PRKG1: variants seen among roughly 807,000 people sequenced by gnomAD.
PRKG1 encodes the protein protein kinase cGMP-dependent 1.
Under a neutral mutation model 88.1 loss-of-function variants are expected in PRKG1, and 35 were observed. The ratio of observed to expected loss-of-function variants is 0.40; its 90% CI spans 0.30 to 0.53. PRKG1 has a LOEUF of 0.53. Among genes scored for constraint, PRKG1 ranks in the 20% least tolerant of loss-of-function variants. PRKG1 has a pLI of 0.59. For synonymous variants in PRKG1, 303 were observed against 292.5 expected (o/e 1.04, Z -0.37); for missense variants, 540 against 839.8 (o/e 0.64, Z 4.41).
At position 51,161,756 on chromosome 10, in the gene PRKG1, C is replaced by T. The variant is rs530068278; in HGVS notation, c.478+8426C>T. ...TTTTTCATTTTGCTAAGATATCAAT[C>T]TCTCCATTCTTCACTTTGAGAGAAT... is the stretch of plus-strand genomic sequence containing the variant. On this transcript the variant is annotated intron_variant, in intron 2 of 17. Coordinates refer to ENST00000373980, the MANE Select transcript of PRKG1 (RefSeq NM_006258.4). Among the ~76,000 whole-genome samples the T allele has an allele frequency of 5.3e-5, 8 of 152,206 alleles. No homozygotes were observed. In the East Asian group the frequency reaches 9.7e-4, roughly 18 times the overall value.
intron 2 of PRKG1, among the ~76,000 whole-genome samples, chr10:51,287,800 A>G (rs1840480854): frequency 1.3e-5 from 2 of 152,158 alleles, no homozygotes; most frequent in African/African-American, 4.8e-5. Context: ...AGATTTTATT[A>G]TACATTTTCT....
chr10:51,415,347 T>G (rs1043585452), intron 2 of PRKG1, among the ~76,000 whole-genome samples: 2 of 152,232 alleles, frequency 1.3e-5, no homozygotes, highest in Non-Finnish European at 1.5e-5. Flanking sequence ...AATGAGGTCA[T>G]CTGCTTAATT....
chr10:52,222,687 CT>C (rs1320961925), intron 9 of PRKG1, among the ~76,000 whole-genome samples: 1 of 152,126 alleles, frequency 6.6e-6, no homozygotes, highest in Admixed American at 6.5e-5. Flanking sequence ...CAGTTTTCCC[CT>C]GGGGGATGTA....
At chr10:51,935,233 C>A (rs1344717819) in intron 5 of PRKG1, among the ~76,000 whole-genome samples, 2 of 152,030 alleles carry the variant, frequency 1.3e-5, no homozygotes, top group Non-Finnish European at 2.9e-5. Flanking sequence ...TAGAGAAGTG[C>A]TAAATATTTA....
At chr10:51,331,005 G>A (rs907358551) in intron 2 of PRKG1, among the ~76,000 whole-genome samples, 2 of 152,274 alleles carry the variant, frequency 1.3e-5, no homozygotes, top group Admixed American at 1.3e-4. Flanking sequence ...TCTCAGGTGT[G>A]CCACAGCAGT....
intron 3 of PRKG1, among the ~76,000 whole-genome samples, chr10:51,519,851 T>C (rs1841691467): frequency 6.6e-6 from 1 of 152,202 alleles, no homozygotes; most frequent in South Asian, 2.1e-4. Context: ...CTGACCCAGA[T>C]GATACAATGA....
chr10:51,092,879 G>A (rs183861398), intron 1 of PRKG1, among the ~76,000 whole-genome samples: 32 of 152,308 alleles, frequency 2.1e-4, no homozygotes, highest in Non-Finnish European at 4.4e-4. Flanking sequence ...AGTGAGCAAT[G>A]TTTGTGGATG....
At chr10:52,160,972 A>G (rs1485847872) in intron 8 of PRKG1, among the ~76,000 whole-genome samples, 1 of 152,064 alleles carries the variant, frequency 6.6e-6, no homozygotes, top group Non-Finnish European at 1.5e-5. Flanking sequence ...TATGAGTACC[A>G]TGTAAGTGAG....
chr10:51,489,882 T>A (rs1840660238), intron 3 of PRKG1, among the ~76,000 whole-genome samples: 1 of 152,134 alleles, frequency 6.6e-6, no homozygotes, highest in African/African-American at 2.4e-5. Context: ...TTTCAGATTA[T>A]TAAGAATGTT....
chr10:51,939,776 G>T (rs1842867731), intron 5 of PRKG1, among the ~76,000 whole-genome samples: 2 of 150,678 alleles, frequency 1.3e-5, no homozygotes, highest in Non-Finnish European at 2.9e-5. Context: ...GTAAATGCAA[G>T]AGTACTATAT....
chr10:51,589,477 A>G (rs1035419352), intron 3 of PRKG1, among the ~76,000 whole-genome samples: 2 of 152,142 alleles, frequency 1.3e-5, no homozygotes, highest in African/African-American at 4.8e-5. Context: ...TACAAAAATT[A>G]GCTGGGTGTG....
intron 5 of PRKG1, among the ~76,000 whole-genome samples, chr10:51,981,878 G>A (rs142107917): frequency 6.6e-6 from 1 of 152,254 alleles, no homozygotes; most frequent in African/African-American, 2.4e-5. Context: ...GGTTGGAGAA[G>A]TTCTCATGGA....
chr10:52,005,335 G>A (rs7895502), intron 5 of PRKG1, among the ~76,000 whole-genome samples: 42,330 of 145,614 alleles, frequency 0.29, 6,137 homozygotes, highest in Non-Finnish European at 0.33. Flanking sequence ...CTCAAGTGAT[G>A]TGCCCACCTC....
At chr10:51,071,580 G>T (rs1361285157), upstream of PRKG1, among the ~76,000 whole-genome samples, 5 of 152,180 alleles carry the variant, frequency 3.3e-5, no homozygotes, top group East Asian at 7.7e-4. Flanking sequence ...ATCATGAGAT[G>T]TAAATTTAAA....
chr10:51,997,240 A>G (rs1419348114), intron 5 of PRKG1, among the ~76,000 whole-genome samples: 1 of 152,082 alleles, frequency 6.6e-6, no homozygotes, highest in Admixed American at 6.5e-5. Context: ...TGGGAGGCAG[A>G]GGCAGGCGGA....
chr10:51,487,335 A>AT (rs895778163), intron 3 of PRKG1, among the ~76,000 whole-genome samples: 4 of 152,136 alleles, frequency 2.6e-5, no homozygotes, highest in Non-Finnish European at 5.9e-5. Context: ...TTGAGTTAGT[A>AT]TTTTTTTGAG....
chr10:51,965,549 C>A (rs1564731295), intron 5 of PRKG1, among the ~76,000 whole-genome samples: 1 of 152,094 alleles, frequency 6.6e-6, no homozygotes, highest in African/African-American at 2.4e-5. Context: ...CATTTATATT[C>A]TGTTTCAGAA....
chr10:52,267,806 G>A (rs1201428704), intron 10 of PRKG1, among the ~76,000 whole-genome samples: 1 of 151,924 alleles, frequency 6.6e-6, no homozygotes, highest in Non-Finnish European at 1.5e-5. Flanking sequence ...TTTTACAGTT[G>A]CATTGCATGG....
intron 9 of PRKG1, among the ~76,000 whole-genome samples, chr10:52,218,223 AAAAG>A (rs1403510209): frequency 6.6e-6 from 1 of 151,384 alleles, no homozygotes; most frequent in Admixed American, 6.6e-5. Context: ...AAAAAAAAAA[AAAAG>A]AAAAATAGGT....
Sources: allele counts gnomAD v4.1 joint callset (sites outside exome capture counted in the v4.1 genomes callset), GRCh38; gene constraint gnomAD v4.1.1; transcripts MANE v1.5; gene names NCBI Gene and HGNC (gene_info 2026-07-23, HGNC 2026-07-21).